Variants in GNG7 observed in about 807,000 individuals in gnomAD.
GNG7 encodes guanine nucleotide-binding protein G(I)/G(S)/G(O) subunit gamma-7.
Under a neutral mutation model 4.0 loss-of-function variants are expected in GNG7, and 1 was observed. The observed-to-expected ratio is 0.25, with a 90% CI of 0.09 to 1.18. The LOEUF (loss-of-function observed/expected upper bound fraction) is 1.18. Ranked by LOEUF, GNG7 falls within the 50% of genes most tolerant of loss-of-function variation. The probability of loss-of-function intolerance (pLI) is 0.50; values close to 1 mark genes in which losing one functional copy is unlikely to be tolerated. For synonymous variants in GNG7, 34 were observed against 36.9 expected, an observed-to-expected ratio of 0.92 and a Z score of 0.29; for missense variants, 86 against 91.9, an observed-to-expected ratio of 0.94 and a Z score of 0.26.
chr19:2,588,488 G>GGC (rs1980742298), intron 2 of GNG7, among the ~76,000 whole-genome samples: 1 of 152,258 alleles, frequency 6.6e-6, no homozygotes, highest in African/African-American at 2.4e-5. Flanking sequence ...GGCCGGGCAG[G>GGC]GCGGTCAAAG....
At chr19:2,577,616 G>C (rs1413554153) in intron 2 of GNG7, among the ~76,000 whole-genome samples, 2 of 148,560 alleles carry the variant, frequency 1.3e-5, no homozygotes, top group African/African-American at 5.0e-5. Context: ...CAGGAAAATT[G>C]CTTTAAGCCA....
chr19:2,662,633 G>A (rs1334193312), intron 1 of GNG7, among the ~76,000 whole-genome samples: 1 of 152,202 alleles, frequency 6.6e-6, no homozygotes, highest in Non-Finnish European at 1.5e-5. Context: ...TAGGGAAGAA[G>A]GGCAAAGCTT....
intron 1 of GNG7, among the ~76,000 whole-genome samples, chr19:2,679,247 C>G (rs1295786323): frequency 6.6e-6 from 1 of 152,082 alleles, no homozygotes; most frequent in East Asian, 1.9e-4. Flanking sequence ...GATAGAGTCT[C>G]ACTATGTTGC....
At chr19:2,575,286 T>A (rs1175005347) in intron 2 of GNG7, among the ~76,000 whole-genome samples, 1 of 152,160 alleles carries the variant, frequency 6.6e-6, no homozygotes, top group Non-Finnish European at 1.5e-5. Flanking sequence ...AGGGACTTGC[T>A]GTTGCCAGGA....
intron 3 of GNG7, among the ~76,000 whole-genome samples, chr19:2,544,369 TCAGCCATGAG>T (rs1480009011): frequency 2.6e-5 from 4 of 152,118 alleles, no homozygotes; most frequent in African/African-American, 9.7e-5. Context: ...CACGAGGGCC[TCAGCCATGAG>T]CACCCCCGGG....
chr19:2,620,833 C>A (rs778988584), intron 2 of GNG7, among the ~76,000 whole-genome samples: 1 of 152,188 alleles, frequency 6.6e-6, no homozygotes, highest in Non-Finnish European at 1.5e-5. Context: ...CAGAGCAAGA[C>A]AGCTCTGTGC....
At chr19:2,640,959 C>T (rs1310571449) in intron 2 of GNG7, among the ~76,000 whole-genome samples, 1 of 152,198 alleles carries the variant, frequency 6.6e-6, no homozygotes, top group Non-Finnish European at 1.5e-5. Context: ...AATCAGGGAT[C>T]AAAGGGCTTC....
At chr19:2,564,966 G>A (rs1393168026) in intron 2 of GNG7, among the ~76,000 whole-genome samples, 3 of 151,966 alleles carry the variant, frequency 2.0e-5, no homozygotes, top group Non-Finnish European at 4.4e-5. Context: ...TGAGGCAGGA[G>A]GACCACTTGA....
intron 1 of GNG7, among the ~76,000 whole-genome samples, chr19:2,695,823 G>A (rs1913232015): frequency 6.6e-6 from 1 of 152,138 alleles, no homozygotes; most frequent in Non-Finnish European, 1.5e-5. Context: ...CAGGGATGAT[G>A]AGGCTCTCGG....
intron 1 of GNG7, among the ~76,000 whole-genome samples, chr19:2,667,416 T>A (rs1312800644): frequency 6.6e-6 from 1 of 152,160 alleles, no homozygotes; most frequent in Non-Finnish European, 1.5e-5. Flanking sequence ...TTACCATCTA[T>A]CTTCTGTGCG....
intron 2 of GNG7, among the ~76,000 whole-genome samples, chr19:2,593,069 AG>A (rs149357483): frequency 0.14 from 20,666 of 151,304 alleles, 1,542 homozygotes; most frequent in Non-Finnish European, 0.18. Flanking sequence ...AGAGGGAGGG[AG>A]GAAAAAAAAA....
chr19:2,555,485 A>G (rs1239971685), intron 2 of GNG7, among the ~76,000 whole-genome samples: 1 of 152,218 alleles, frequency 6.6e-6, no homozygotes, highest in African/African-American at 2.4e-5. Context: ...CCAACCCCAC[A>G]GTCAAAGTCC....
chr19:2,672,692 C>T (rs1213721414), intron 1 of GNG7, among the ~76,000 whole-genome samples: 1 of 151,892 alleles, frequency 6.6e-6, no homozygotes, highest in Non-Finnish European at 1.5e-5. Flanking sequence ...GTGATTTGCC[C>T]GCCTCGACCT....
chr19:2,517,401 G>C (rs943478539), intron 4 of GNG7, among the ~76,000 whole-genome samples: 2 of 152,068 alleles, frequency 1.3e-5, no homozygotes, highest in Admixed American at 6.5e-5. Flanking sequence ...GTCTCACTCT[G>C]TCAGCCAGGC....
chr19:2,699,506 C>T (rs73920494), intron 1 of GNG7, among the ~76,000 whole-genome samples: 10 of 152,018 alleles, frequency 6.6e-5, no homozygotes, highest in African/African-American at 1.7e-4. Flanking sequence ...CTCCCCTCTC[C>T]GAATGACAGC....
chr19:2,675,100 A>G (rs1184312482), intron 1 of GNG7, among the ~76,000 whole-genome samples: 1 of 152,200 alleles, frequency 6.6e-6, no homozygotes, highest in East Asian at 1.9e-4. Flanking sequence ...AGGGTTACAG[A>G]CTGCTTTAGC....
At chr19:2,700,526 T>C (rs1913376544) in intron 1 of GNG7, among the ~76,000 whole-genome samples, 1 of 152,102 alleles carries the variant, frequency 6.6e-6, no homozygotes, top group Non-Finnish European at 1.5e-5. Flanking sequence ...TTCCAGTCAC[T>C]TCCTTTCCTC....
intron 2 of GNG7, among the ~76,000 whole-genome samples, chr19:2,560,676 G>T (rs1979714943): frequency 6.6e-6 from 1 of 152,160 alleles, no homozygotes; most frequent in Non-Finnish European, 1.5e-5. Flanking sequence ...TTGGAAAAAA[G>T]CTGGGCGCGG....
At chr19:2,678,491 G>A (rs547431001) in intron 1 of GNG7, among the ~76,000 whole-genome samples, 2 of 152,318 alleles carry the variant, frequency 1.3e-5, no homozygotes, top group South Asian at 4.1e-4. Context: ...GCCACACAGT[G>A]GGCAGGTGGG....
Sources: allele counts gnomAD v4.1 joint callset (sites outside exome capture counted in the v4.1 genomes callset), GRCh38; gene constraint gnomAD v4.1.1; transcripts MANE v1.5; gene names NCBI Gene and HGNC (gene_info 2026-07-23, HGNC 2026-07-21).